The following WDFY3 variants were observed in gnomAD, a reference collection of about 807,000 sequenced individuals.
WDFY3 encodes the protein WD repeat and FYVE domain containing 3.
Under a neutral mutation model 409.6 loss-of-function variants are expected in WDFY3, and 66 were observed. That is an observed-to-expected ratio of 0.16 (90% CI 0.13 to 0.20). The LOEUF is 0.20. WDFY3 is among the 10% of genes least tolerant of loss of function. The pLI is 1.00. For synonymous variants in WDFY3, 1,521 were observed against 1,537.1 expected, an observed-to-expected ratio of 0.99 and a Z score of 0.25; for missense variants, 3,031 against 4,298.1, an observed-to-expected ratio of 0.71 and a Z score of 8.24.
intron 1 of WDFY3, among the ~76,000 whole-genome samples, chr4:84,959,194 C>A (rs961487610): frequency 2.6e-5 from 4 of 151,918 alleles, no homozygotes; most frequent in African/African-American, 9.7e-5. Flanking sequence ...AGAGATGTGA[C>A]TGGAGAAGCT....
chr4:84,694,149 T>C (rs1729722105), intron 58 of WDFY3, among the ~76,000 whole-genome samples: 1 of 152,218 alleles, frequency 6.6e-6, no homozygotes, highest in Non-Finnish European at 1.5e-5. Flanking sequence ...CTCTCAAATC[T>C]TTAAATGTTT....
At position 84,670,537 on chromosome 4, in the gene WDFY3, T is replaced by G. The variant is rs1299004927; in HGVS notation, c.*2331A>C. On this transcript the variant is annotated 3_prime_UTR_variant, in exon 68 of 68. Coordinates refer to ENST00000295888, the MANE Select transcript of WDFY3 (RefSeq NM_014991.6). ...GGTTTTGGTTTCCACCTTCTAGTTA[T>G]GGAAGTTCTGTTAGAAAGTTAGTAA... The G allele has an allele frequency of 1.3e-5, 2 of 152,676 alleles. No homozygotes were observed. Among genetic ancestry groups the G allele is most frequent in the Admixed American group, 1.3e-4 (2 of 15,284 alleles). 9.5% of individuals were successfully genotyped at this position (152,676 alleles called of 1,614,324 possible).
chr4:84,911,957 A>G (rs1236271523), intron 2 of WDFY3, among the ~76,000 whole-genome samples: 1 of 152,222 alleles, frequency 6.6e-6, no homozygotes, highest in Non-Finnish European at 1.5e-5. Context: ...ATAACTTCGT[A>G]GCCATCTCTT....
chr4:84,741,524 A>G (rs1429040219), intron 38 of WDFY3, among the ~76,000 whole-genome samples: 1 of 152,120 alleles, frequency 6.6e-6, no homozygotes, highest in Non-Finnish European at 1.5e-5. Flanking sequence ...CATGTCGGTC[A>G]GGCTGGTCTC....
intron 47 of WDFY3, among the ~76,000 whole-genome samples, chr4:84,720,188 A>G (rs960730337): frequency 6.6e-6 from 1 of 152,184 alleles, no homozygotes; most frequent in Non-Finnish European, 1.5e-5. Context: ...ATCTAGGACG[A>G]GAAAGAAAGA....
At chr4:84,715,474 G>A (rs1040628349) in intron 49 of WDFY3, 91 bp from the exon 50 acceptor site, 3 of 808,956 alleles carry the variant, frequency 3.7e-6, no homozygotes, top group African/African-American at 3.5e-5. Flanking sequence ...TTTCTACAAT[G>A]TTCAAGAAGT....
intron 53 of WDFY3, among the ~76,000 whole-genome samples, chr4:84,706,580 A>G (rs1278002779): frequency 6.6e-6 from 1 of 150,934 alleles, no homozygotes; most frequent in African/African-American, 2.4e-5. Context: ...CATAGGTACC[A>G]TGTTATACAG....
At chr4:84,763,558 C>A in intron 32 of WDFY3, among the ~76,000 whole-genome samples, 1 of 149,998 alleles carries the variant, frequency 6.7e-6, no homozygotes, top group East Asian at 2.0e-4. Context: ...TTTAAAAAAT[C>A]TATTTTTATA....
Position 84,845,448 on chromosome 4 carries a change from T to A in WDFY3, c.305-4185A>T, listed in dbSNP as rs1005984333. Among the ~76,000 whole-genome samples, 4 of 152,080 alleles carry A rather than the reference T, an allele frequency of 2.6e-5. No homozygotes were observed. In the East Asian group the frequency reaches 5.8e-4, roughly 22 times the overall value. Reference sequence around the variant, plus strand: ...AGAGGGGGAAATGAGGAGTTGCTGTTCAATGGGTATAGTTTCAGTCATGTA... The same window carrying A: ...AGAGGGGGAAATGAGGAGTTGCTGTACAATGGGTATAGTTTCAGTCATGTA... On this transcript the variant is annotated intron_variant, in intron 5 of 67. Coordinates refer to ENST00000295888, the MANE Select transcript of WDFY3 (RefSeq NM_014991.6).
At chr4:84,704,275 G>T in intron 55 of WDFY3, 63 bp downstream of exon 55, 1 of 1,180,264 alleles carries the variant, frequency 8.5e-7, no homozygotes, top group Non-Finnish European at 1.2e-6. Flanking sequence ...TGTTTTAAAA[G>T]GTGACATTTT....
At chr4:84,856,630 G>C (rs1470671606) in intron 4 of WDFY3, among the ~76,000 whole-genome samples, 1 of 152,042 alleles carries the variant, frequency 6.6e-6, no homozygotes, top group Non-Finnish European at 1.5e-5. Context: ...CATGAGACCT[G>C]GCCCAGAAAA....
chr4:84,937,991 T>C (rs1297405009), intron 1 of WDFY3, among the ~76,000 whole-genome samples: 4 of 152,168 alleles, frequency 2.6e-5, no homozygotes, highest in African/African-American at 9.7e-5. Flanking sequence ...GGCATAGTAC[T>C]CTTATGCTTT....
intron 58 of WDFY3, among the ~76,000 whole-genome samples, chr4:84,695,261 C>G (rs1729895779): frequency 6.6e-6 from 1 of 152,084 alleles, no homozygotes; most frequent in African/African-American, 2.4e-5. Flanking sequence ...AGATCTTGGT[C>G]TTCCTCTCCA....
At chr4:84,877,049 C>T (rs1038082497) in intron 3 of WDFY3, among the ~76,000 whole-genome samples, 1 of 152,152 alleles carries the variant, frequency 6.6e-6, no homozygotes, top group Non-Finnish European at 1.5e-5. Context: ...AGCTAAGTAT[C>T]TGGTACATAG....
intron 66 of WDFY3, 83 bp from the exon 67 acceptor site, chr4:84,677,479 G>A: frequency 2.2e-6 from 3 of 1,381,238 alleles, no homozygotes; most frequent in Non-Finnish European, 2.9e-6. Flanking sequence ...TTTGGTGGAT[G>A]TGTGTTTTGA....
intron 64 of WDFY3, among the ~76,000 whole-genome samples, chr4:84,680,164 C>G (rs1039395498): frequency 3.9e-5 from 6 of 152,232 alleles, no homozygotes; most frequent in African/African-American, 1.4e-4. Context: ...GCTAGGATTA[C>G]AGGCGTGGGC....
At chr4:84,779,824 T>C (rs539853478) in intron 26 of WDFY3, among the ~76,000 whole-genome samples, 35 of 152,292 alleles carry the variant, frequency 2.3e-4, no homozygotes, top group African/African-American at 8.2e-4. Flanking sequence ...CAGCAAACCT[T>C]TGTTCTGAAA....
chr4:84,887,165 A>G (rs188440838), intron 3 of WDFY3, among the ~76,000 whole-genome samples: 10 of 152,260 alleles, frequency 6.6e-5, no homozygotes, highest in Middle Eastern at 3.4e-3. Context: ...AGTGGTAGCA[A>G]AGATTATGAA....
intron 65 of WDFY3, among the ~76,000 whole-genome samples, chr4:84,678,694 G>A (rs1356873174): frequency 1.3e-5 from 2 of 152,134 alleles, no homozygotes; most frequent in Non-Finnish European, 2.9e-5. Context: ...TTTAAAAGAT[G>A]CCCAGCATAT....
Sources: allele counts gnomAD v4.1 joint callset (sites outside exome capture counted in the v4.1 genomes callset), GRCh38; gene constraint gnomAD v4.1.1; transcripts MANE v1.5; gene names NCBI Gene and HGNC (gene_info 2026-07-23, HGNC 2026-07-21).